The following SCRN1 variants were observed in gnomAD, a reference collection of about 807,000 sequenced individuals.
SCRN1 encodes the protein secernin 1.
A neutral mutation model predicts 43.3 loss-of-function variants in SCRN1; 19 were observed. The observed-to-expected ratio is 0.44, with a 90% confidence interval of 0.31 to 0.64. SCRN1 has a LOEUF of 0.64. Ranked by LOEUF, SCRN1 falls within the 30% of genes least tolerant of loss-of-function variation. The probability of loss-of-function intolerance (pLI) is 0.09; values close to 1 mark genes in which losing one functional copy is unlikely to be tolerated. For synonymous variants in SCRN1, 183 were observed against 188.9 expected (o/e 0.97, Z 0.26); for missense variants, 447 against 524.1 (o/e 0.85, Z 1.44).
At chr7:29,938,817 A>G (rs949845595) in intron 5 of SCRN1, among the ~76,000 whole-genome samples, 1 of 152,186 alleles carries the variant, frequency 6.6e-6, no homozygotes, top group Non-Finnish European at 1.5e-5. Flanking sequence ...TCATCTCTGA[A>G]GGCTGTGAGA....
intron 6 of SCRN1, among the ~76,000 whole-genome samples, chr7:29,932,869 A>ATTTAT (rs901476289): frequency 9.3e-5 from 14 of 151,206 alleles, no homozygotes; most frequent in African/African-American, 2.9e-4. Context: ...CCTGTATCTT[A>ATTTAT]TTTATTTTAT....
At chr7:29,986,794 G>C (rs979520775) in intron 1 of SCRN1, among the ~76,000 whole-genome samples, 5 of 131,940 alleles carry the variant, frequency 3.8e-5, no homozygotes, top group African/African-American at 1.4e-4. Context: ...GCACCATCTC[G>C]CCTCACTGCA....
At chr7:29,981,430 A>G (rs1195116168) in intron 1 of SCRN1, among the ~76,000 whole-genome samples, 1 of 152,214 alleles carries the variant, frequency 6.6e-6, no homozygotes, top group Non-Finnish European at 1.5e-5. Context: ...AAAGTTAGTA[A>G]CCCAACTTAG....
intron 1 of SCRN1, among the ~76,000 whole-genome samples, chr7:29,973,761 GT>G (rs1223339506): frequency 6.6e-6 from 1 of 152,178 alleles, no homozygotes; most frequent in East Asian, 1.9e-4. Flanking sequence ...AATAGAATAA[GT>G]AATTTCATTT....
At chr7:29,944,218 A>C (rs777433773) in intron 3 of SCRN1, 39 bp from the exon 4 acceptor site, 11 of 1,586,946 alleles carry the variant, frequency 6.9e-6, no homozygotes, top group Non-Finnish European at 2.6e-6. Flanking sequence ...CAGTCATTTC[A>C]TACCACAGGA....
intron 4 of SCRN1, among the ~76,000 whole-genome samples, chr7:29,942,457 G>T (rs915824970): frequency 6.6e-6 from 1 of 152,134 alleles, no homozygotes; most frequent in South Asian, 2.1e-4. Flanking sequence ...CTTTTGAAAC[G>T]CAGTCATAGA....
intron 1 of SCRN1, among the ~76,000 whole-genome samples, chr7:29,982,365 A>G (rs1281688075): frequency 6.6e-6 from 1 of 152,198 alleles, no homozygotes; most frequent in Non-Finnish European, 1.5e-5. Context: ...TCCATTTTAC[A>G]GCTGAGAAAA....
chr7:29,957,741 G>C (rs1018415771), intron 2 of SCRN1, among the ~76,000 whole-genome samples: 1 of 152,188 alleles, frequency 6.6e-6, no homozygotes, highest in African/African-American at 2.4e-5. Flanking sequence ...TATCACGTGG[G>C]AGAAATCTGG....
chr7:29,963,341 G>C (rs1012900538), intron 2 of SCRN1, among the ~76,000 whole-genome samples: 55 of 152,172 alleles, frequency 3.6e-4, no homozygotes, highest in Non-Finnish European at 4.9e-4. Context: ...TCAGGCTAAA[G>C]GGAGGAGTGG....
chr7:29,950,180 G>C lies in SCRN1; in HGVS notation c.341+4999C>G, dbSNP rs1787873966. 6.6e-6 allele frequency among the ~76,000 whole-genome samples: 1 copy of C among 152,196 alleles called. No individual in the cohort carries two copies. The highest frequency in any genetic ancestry group is 2.1e-4 in the South Asian group (1 of 4,832). On this transcript the variant is annotated intron_variant, in intron 3 of 7. Coordinates refer to ENST00000242059, the MANE Select transcript of SCRN1 (RefSeq NM_014766.5). This position sits in a 1 kb window ranked among gnomAD's most constrained non-coding sequence, Gnocchi z 4.5. Reference sequence around the variant, plus strand: ...ACAGGCTTGGAAGTGCCTGCTTCCTGCTCCCTGACCTCTTCCCGCTTCCCA... The same window carrying C: ...ACAGGCTTGGAAGTGCCTGCTTCCTCCTCCCTGACCTCTTCCCGCTTCCCA...
intron 6 of SCRN1, among the ~76,000 whole-genome samples, chr7:29,929,299 C>T (rs1221963064): frequency 2.6e-5 from 4 of 152,226 alleles, no homozygotes; most frequent in East Asian, 1.9e-4. Context: ...GTAGGCTTCA[C>T]GGTGGAACTG....
chr7:29,976,531 T>C (rs189031648), intron 1 of SCRN1, among the ~76,000 whole-genome samples: 100 of 152,350 alleles, frequency 6.6e-4, no homozygotes, highest in Non-Finnish European at 1.3e-3. Context: ...TTAACACTTC[T>C]GAACTCTACA....
At chr7:29,978,229 T>G (rs1324999388) in intron 1 of SCRN1, among the ~76,000 whole-genome samples, 1 of 152,236 alleles carries the variant, frequency 6.6e-6, no homozygotes, top group Non-Finnish European at 1.5e-5. Context: ...CATTAGATTG[T>G]GTTTTTAGAA....
At position 29,950,193 on chromosome 7, in the gene SCRN1, T is replaced by C. The variant is rs528062821; in HGVS notation, c.341+4986A>G. 6.6e-6 allele frequency among the ~76,000 whole-genome samples: 1 copy of C among 152,302 alleles called. No homozygotes were observed. Among genetic ancestry groups the C allele is most frequent in the South Asian group, 2.1e-4 (1 of 4,834 alleles). On this transcript the variant is annotated intron_variant, in intron 3 of 7. Coordinates refer to ENST00000242059, the MANE Select transcript of SCRN1 (RefSeq NM_014766.5). This position sits in a 1 kb window ranked among gnomAD's most constrained non-coding sequence, Gnocchi z 4.5. ...TGCCTGCTTCCTGCTCCCTGACCTC[T>C]TCCCGCTTCCCAGCACCTGCTCCAG...
intron 2 of SCRN1, among the ~76,000 whole-genome samples, chr7:29,959,473 T>G (rs1181863953): frequency 1.3e-5 from 2 of 152,300 alleles, no homozygotes; most frequent in Non-Finnish European, 2.9e-5. Flanking sequence ...CTTACTATGT[T>G]GCCTAGGCTG....
At chr7:29,943,851 C>A (rs779569796) in intron 4 of SCRN1, 126 bp downstream of exon 4, 6 of 849,934 alleles carry the variant, frequency 7.1e-6, no homozygotes, top group Non-Finnish European at 9.6e-6. Context: ...CAAAGCATGA[C>A]AGTCCCACAC....
At chr7:29,924,166 T>C (rs764218780) in intron 7 of SCRN1, 51 bp from the exon 8 acceptor site, 3 of 1,560,938 alleles carry the variant, frequency 1.9e-6, no homozygotes. Flanking sequence ...CAGGGGACAT[T>C]GCAGCGGACA....
chr7:29,932,787 A>G (rs1191530940), intron 6 of SCRN1, among the ~76,000 whole-genome samples: 1 of 151,538 alleles, frequency 6.6e-6, no homozygotes, highest in Non-Finnish European at 1.5e-5. Context: ...GCACCCTGCC[A>G]CTACTTAAAG....
At chr7:29,939,920 C>T (rs1335523213) in intron 5 of SCRN1, among the ~76,000 whole-genome samples, 3 of 151,336 alleles carry the variant, frequency 2.0e-5, no homozygotes, top group African/African-American at 4.9e-5. Context: ...GAGGCCAAGG[C>T]GGGCAAATCT....
Sources: allele counts gnomAD v4.1 joint callset (sites outside exome capture counted in the v4.1 genomes callset), GRCh38; gene constraint gnomAD v4.1.1; non-coding constraint Gnocchi (gnomAD v3.1); transcripts MANE v1.5; gene names NCBI Gene and HGNC (gene_info 2026-07-23, HGNC 2026-07-21).